The following PDE4B variants were observed in gnomAD, a reference collection of about 807,000 sequenced individuals.
PDE4B encodes 3',5'-cyclic-AMP phosphodiesterase 4B.
A neutral mutation model predicts 82.2 loss-of-function variants in PDE4B; 20 were observed. That is an observed-to-expected ratio of 0.24 (90% CI 0.17 to 0.35). PDE4B has a LOEUF of 0.35. Ranked by LOEUF, PDE4B falls within the 10% of genes least tolerant of loss-of-function variation. PDE4B has a pLI of 1.00. For synonymous variants in PDE4B, 320 were observed against 318.9 expected, an observed-to-expected ratio of 1.00 and a Z score of -0.04; for missense variants, 655 against 907.2, an observed-to-expected ratio of 0.72 and a Z score of 3.57.
At chr1:66,084,895 G>C (rs1311442887) in intron 3 of PDE4B, among the ~76,000 whole-genome samples, 1 of 152,174 alleles carries the variant, frequency 6.6e-6, no homozygotes, top group African/African-American at 2.4e-5. Flanking sequence ...GTTGGAAACA[G>C]AGGTACTGAT....
chr1:65,893,933 G>A (rs1277312361), intron 1 of PDE4B, among the ~76,000 whole-genome samples: 2 of 152,054 alleles, frequency 1.3e-5, no homozygotes, highest in Non-Finnish European at 2.9e-5. Context: ...TTATAAGTGG[G>A]AGCTAAGCTA....
intron 3 of PDE4B, among the ~76,000 whole-genome samples, chr1:66,196,862 T>C (rs1337560122): frequency 6.6e-6 from 1 of 150,864 alleles, no homozygotes; most frequent in Non-Finnish European, 1.5e-5. Context: ...TAATGCTAGA[T>C]GACAAGTTAG....
chr1:66,357,758 A>T (rs1024133151), intron 9 of PDE4B, among the ~76,000 whole-genome samples: 32 of 152,102 alleles, frequency 2.1e-4, no homozygotes, highest in Admixed American at 2.0e-4. Flanking sequence ...GAAGAAAAAA[A>T]CCTGTAATAT....
At chr1:66,147,961 T>A (rs1262313409) in intron 3 of PDE4B, among the ~76,000 whole-genome samples, 1 of 152,176 alleles carries the variant, frequency 6.6e-6, no homozygotes, top group Non-Finnish European at 1.5e-5. Flanking sequence ...CACTATTTCA[T>A]CTGTATCATT....
chr1:65,898,963 G>A (rs1440931929), intron 1 of PDE4B, among the ~76,000 whole-genome samples: 3 of 151,984 alleles, frequency 2.0e-5, no homozygotes, highest in African/African-American at 7.2e-5. Flanking sequence ...AAGATAAATA[G>A]CTGGAACTTA....
At chr1:66,255,145 T>G (rs1478306615) in intron 4 of PDE4B, among the ~76,000 whole-genome samples, 1 of 151,968 alleles carries the variant, frequency 6.6e-6, no homozygotes, top group African/African-American at 2.4e-5. Context: ...AGTGCAATAG[T>G]GCGATCATGG....
At chr1:65,793,916 C>T (rs538815374) in intron 1 of PDE4B, among the ~76,000 whole-genome samples, 4 of 152,300 alleles carry the variant, frequency 2.6e-5, no homozygotes, top group East Asian at 1.9e-4. Context: ...CCTTCCTTCC[C>T]GTTTTTCACA....
chr1:66,319,309 C>T (rs972564305), intron 7 of PDE4B, among the ~76,000 whole-genome samples: 14 of 152,212 alleles, frequency 9.2e-5, no homozygotes, highest in Admixed American at 7.9e-4. Context: ...TTTGCTTCTA[C>T]TCTTCACTGA....
chr1:66,012,837 T>C (rs1424928144), intron 3 of PDE4B, among the ~76,000 whole-genome samples: 2 of 152,164 alleles, frequency 1.3e-5, no homozygotes, highest in African/African-American at 4.8e-5. Flanking sequence ...GCATGTGGAT[T>C]TGTTTAGTGA....
chr1:66,175,904 A>C (rs1557611045), intron 3 of PDE4B, among the ~76,000 whole-genome samples: 1 of 152,224 alleles, frequency 6.6e-6, no homozygotes, highest in Non-Finnish European at 1.5e-5. Flanking sequence ...TGGGACAGAA[A>C]AACAAACTCT....
In PDE4B at chr1:66,056,485, CATCTATCT is replaced by C. The variant is rs1553138871; in HGVS notation, c.281+137690_281+137697del. 2.7e-3 allele frequency among the ~76,000 whole-genome samples: 395 copies of C among 143,658 alleles called. 1 individual carries two copies. Among genetic ancestry groups the C allele is most frequent in the African/African-American group, 8.5e-3 (325 of 38,380 alleles). 94.2% of individuals were successfully genotyped at this position (143,658 alleles called of 152,430 possible). A position where few individuals can be genotyped will look rare whatever the true frequency, so the allele number is the denominator to read the frequency against. On this transcript the variant is annotated intron_variant, in intron 3 of 16. Transcript: ENST00000341517. Reference sequence around the variant, plus strand: ...ATTTTATATCTATCTATCTATCTATCATCTATCTATCTATCTATCTATCTATCTATCTA... The same window carrying C: ...ATTTTATATCTATCTATCTATCTATCATCTATCTATCTATCTATCTATCTA...
At chr1:66,117,699 C>T (rs1015201208) in intron 3 of PDE4B, among the ~76,000 whole-genome samples, 9 of 152,110 alleles carry the variant, frequency 5.9e-5, no homozygotes, top group African/African-American at 9.7e-5. Context: ...TGGCAGTCCA[C>T]GGACTTATAA....
intron 3 of PDE4B, among the ~76,000 whole-genome samples, chr1:65,981,947 C>T (rs1169648890): frequency 6.6e-6 from 1 of 152,038 alleles, no homozygotes; most frequent in African/African-American, 2.4e-5. Context: ...AACTGTGAGA[C>T]AATAAATTTC....
chr1:65,975,853 G>T (rs1650379335), intron 3 of PDE4B, among the ~76,000 whole-genome samples: 1 of 152,226 alleles, frequency 6.6e-6, no homozygotes, highest in South Asian at 2.1e-4. Context: ...CCTCCACCTA[G>T]ATTTCAGAGG....
At position 66,283,569 on chromosome 1, in the gene PDE4B, A is replaced by T. The variant is rs200047023; in HGVS notation, c.634+17482A>T. 8.0e-3 allele frequency among the ~76,000 whole-genome samples: 1,110 copies of T among 138,386 alleles called. 37 individuals are homozygous for T. The East Asian group carries it at 0.11, about 14-fold the overall frequency. 90.8% of individuals were successfully genotyped at this position (138,386 alleles called of 152,430 possible). ...GAATCCAGAATTTTTACAACTTTTT[A>T]AAAAATTACCATGTTTTAGAGCTTG... On this transcript the variant is annotated intron_variant, in intron 7 of 16. Transcript: ENST00000341517.
At chr1:65,888,296 C>T (rs916619064) in intron 1 of PDE4B, among the ~76,000 whole-genome samples, 22 of 151,966 alleles carry the variant, frequency 1.4e-4, no homozygotes, top group South Asian at 1.2e-3. Flanking sequence ...TACTTTGTCC[C>T]GTGGTGTATG....
At chr1:66,167,240 C>T (rs942849667) in intron 3 of PDE4B, among the ~76,000 whole-genome samples, 17 of 152,056 alleles carry the variant, frequency 1.1e-4, no homozygotes, top group Non-Finnish European at 2.2e-4. Flanking sequence ...CATGCAAAAA[C>T]CTGTACATGA....
chr1:66,050,323 A>G (rs572386492), intron 3 of PDE4B, among the ~76,000 whole-genome samples: 1 of 152,152 alleles, frequency 6.6e-6, no homozygotes, highest in East Asian at 1.9e-4. Context: ...TATTGTTGTA[A>G]CCATGACATT....
chr1:66,219,954 A>G (rs1237190908), intron 3 of PDE4B, among the ~76,000 whole-genome samples: 2 of 152,158 alleles, frequency 1.3e-5, no homozygotes, highest in African/African-American at 4.8e-5. Context: ...TATTATTTTT[A>G]TGATTTCTTG....
Sources: gnomAD v4.1 joint callset for allele counts (sites outside exome capture counted in the v4.1 genomes callset) on GRCh38, gnomAD v4.1.1 for gene constraint, MANE v1.5 for transcripts, NCBI Gene and HGNC (gene_info 2026-07-23, HGNC 2026-07-21) for gene names.